The following CARMIL1 variants were observed in gnomAD, a reference collection of about 807,000 sequenced individuals.
CARMIL1 encodes the protein F-actin-uncapping protein LRRC16A.
CARMIL1 carries 90 observed loss-of-function variants against 177.1 expected under a neutral mutation model. The ratio of observed to expected loss-of-function variants is 0.51; its 90% confidence interval spans 0.43 to 0.61. CARMIL1 has a LOEUF of 0.61. CARMIL1 is among the 20% of genes least tolerant of loss of function. CARMIL1 has a pLI of 0.00. For missense variants in CARMIL1, 1,380 were observed against 1,667.0 expected (o/e 0.83, Z 3.00); for synonymous variants, 577 against 606.2 (o/e 0.95, Z 0.71).
chr6:25,402,394 T>C (rs9467496), intron 2 of CARMIL1, among the ~76,000 whole-genome samples: 15,100 of 152,240 alleles, frequency 0.099, 778 homozygotes, highest in Middle Eastern at 0.12. Flanking sequence ...AAAATGTGTT[T>C]AAAAACTGCT....
intron 2 of CARMIL1, among the ~76,000 whole-genome samples, chr6:25,333,201 ACTT>A (rs1423445416): frequency 2.6e-5 from 4 of 152,152 alleles, no homozygotes; most frequent in Admixed American, 1.3e-4. Flanking sequence ...AGTGAGTAAA[ACTT>A]CTTTGGTCAA....
chr6:25,416,854 G>A (rs539345159), intron 2 of CARMIL1, among the ~76,000 whole-genome samples: 50 of 152,262 alleles, frequency 3.3e-4, no homozygotes, highest in Non-Finnish European at 5.6e-4. Context: ...TGGCATACGA[G>A]TTTTAGGATT....
chr6:25,546,672 A>C lies in CARMIL1; in HGVS notation c.2329-4238A>C, dbSNP rs200009442. ...CCCGTCTCAACAACAACAACAACAA[A>C]AAAAAAAAAAAAAAAAAAATTGTGT... On this transcript the variant is annotated intron_variant, in intron 26 of 36. Coordinates refer to ENST00000329474, the MANE Select transcript of CARMIL1 (RefSeq NM_017640.6). Among the ~76,000 whole-genome samples the C allele has an allele frequency of 7.0e-3, 325 of 46,618 alleles. 1 individual carries two copies. The highest frequency in any genetic ancestry group is 0.019 in the East Asian group (27 of 1,442). 30.6% of individuals were successfully genotyped at this position (46,618 alleles called of 152,430 possible). A position where few individuals can be genotyped will look rare whatever the true frequency, so the allele number is the denominator to read the frequency against.
chr6:25,361,672 T>G (rs528835210), intron 2 of CARMIL1, among the ~76,000 whole-genome samples: 1 of 152,348 alleles, frequency 6.6e-6, no homozygotes, highest in East Asian at 1.9e-4. Context: ...TTTCATGTGT[T>G]GGAAACTTAA....
chr6:25,589,614 A>G (rs544173099), intron 31 of CARMIL1, among the ~76,000 whole-genome samples: 4 of 152,156 alleles, frequency 2.6e-5, no homozygotes, highest in East Asian at 3.9e-4. Flanking sequence ...CAGTCTCCCA[A>G]GTAACTGGGA....
intron 2 of CARMIL1, among the ~76,000 whole-genome samples, chr6:25,399,485 C>T (rs1288629401): frequency 1.3e-5 from 2 of 152,182 alleles, no homozygotes; most frequent in African/African-American, 4.8e-5. Flanking sequence ...GGAATGGTTG[C>T]AAATTGGTCA....
At chr6:25,374,499 G>A (rs1038444385) in intron 2 of CARMIL1, among the ~76,000 whole-genome samples, 1 of 152,176 alleles carries the variant, frequency 6.6e-6, no homozygotes, top group African/African-American at 2.4e-5. Context: ...CGTATATTTT[G>A]CAGTTCTTGG....
intron 20 of CARMIL1, among the ~76,000 whole-genome samples, chr6:25,511,558 T>A (rs1204239167): frequency 6.6e-6 from 1 of 152,214 alleles, no homozygotes. Context: ...ACATTACTCA[T>A]GTTTTGTAAT....
chr6:25,394,527 G>A (rs1793180794), intron 2 of CARMIL1, among the ~76,000 whole-genome samples: 1 of 152,146 alleles, frequency 6.6e-6, no homozygotes, highest in Non-Finnish European at 1.5e-5. Context: ...TTTAGGAATA[G>A]GAAAAATAAC....
chr6:25,381,418 T>G (rs1791526484), intron 2 of CARMIL1, among the ~76,000 whole-genome samples: 1 of 152,122 alleles, frequency 6.6e-6, no homozygotes, highest in Admixed American at 6.5e-5. Context: ...CTACCCAGAG[T>G]TAGCACAGAC....
rs192754454 is a variant in CARMIL1, at chr6:25,387,015, A to G, written c.139-33099A>G. 5.3e-3 allele frequency among the ~76,000 whole-genome samples: 800 copies of G among 149,894 alleles called. 7 individuals carry two copies. The highest frequency in any genetic ancestry group is 0.012 in the African/African-American group (510 of 40,884). ...CATGATGGCCGGTGCCTGTAATCTCAGCTACTTAGGAGCCTGAGGCGGGAG... is the reference window on the plus strand; with the variant it reads ...CATGATGGCCGGTGCCTGTAATCTCGGCTACTTAGGAGCCTGAGGCGGGAG... On this transcript the variant is annotated intron_variant, in intron 2 of 36. Transcript: ENST00000329474.
chr6:25,461,003 A>T lies in CARMIL1; in HGVS notation c.615-4870A>T, dbSNP rs192399193. Among the ~76,000 whole-genome samples, 4 of 152,304 alleles carry T rather than the reference A, an allele frequency of 2.6e-5. No homozygotes were observed. The East Asian group carries it at 5.8e-4, about 22-fold the overall frequency. Reference sequence around the variant, plus strand: ...CTTGCCCCACCTGGTTATAATAATGATCCCAGTAATCTTTGTGTTCCTTTA... The same window carrying T: ...CTTGCCCCACCTGGTTATAATAATGTTCCCAGTAATCTTTGTGTTCCTTTA... On this transcript the variant is annotated intron_variant, in intron 8 of 36. Transcript: ENST00000329474.
At chr6:25,462,939 A>C (rs1346625579) in intron 8 of CARMIL1, among the ~76,000 whole-genome samples, 5 of 152,166 alleles carry the variant, frequency 3.3e-5, no homozygotes, top group African/African-American at 1.2e-4. Flanking sequence ...GCTGAATATG[A>C]TATGTCATTG....
Position 25,441,333 on chromosome 6 carries a change from ATATATGTG to A in CARMIL1, c.371+5731_371+5738del, listed in dbSNP as rs1290919257. 5.2e-4 allele frequency among the ~76,000 whole-genome samples: 35 copies of A among 66,970 alleles called. No homozygotes were observed. The South Asian group carries it at 6.2e-3, about 12-fold the overall frequency. The allele number at this position is 66,970 out of a possible 152,430, so 43.9% of individuals were successfully genotyped here. ...CAAACAAACAAACATATATATATAT[ATATATGTG>A]TGTGTGTGTGTGTGTGTGTGTGTGT... On this transcript the variant is annotated intron_variant, in intron 5 of 36. Coordinates refer to ENST00000329474, the MANE Select transcript of CARMIL1 (RefSeq NM_017640.6).
chr6:25,282,015 T>C (rs1299911015), intron 1 of CARMIL1, among the ~76,000 whole-genome samples: 1 of 148,170 alleles, frequency 6.7e-6, no homozygotes, highest in Non-Finnish European at 1.5e-5. Context: ...CTCGGGAGGC[T>C]GAGGCAGGAG....
chr6:25,291,727 G>C (rs1049398822), intron 2 of CARMIL1, among the ~76,000 whole-genome samples: 1 of 152,096 alleles, frequency 6.6e-6, no homozygotes, highest in Non-Finnish European at 1.5e-5. Flanking sequence ...ACCTATAATA[G>C]TGTAAACCTA....
intron 29 of CARMIL1, among the ~76,000 whole-genome samples, chr6:25,579,432 AAC>A (rs1442495737): frequency 6.6e-6 from 1 of 152,204 alleles, no homozygotes; most frequent in Non-Finnish European, 1.5e-5. Context: ...GTTGCGACCA[AAC>A]ACAGCATATA....
At chr6:25,490,698 AAAAT>A (rs199709831) in intron 13 of CARMIL1, among the ~76,000 whole-genome samples, 14,067 of 124,872 alleles carry the variant, frequency 0.11, 871 homozygotes, top group Non-Finnish European at 0.14. Context: ...ACCCTGTCTT[AAAAT>A]AAATAAATAA....
intron 9 of CARMIL1, among the ~76,000 whole-genome samples, chr6:25,466,537 CAT>C (rs1800611775): frequency 6.6e-6 from 1 of 152,170 alleles, no homozygotes; most frequent in Non-Finnish European, 1.5e-5. Flanking sequence ...TCATATCAGT[CAT>C]ATGGACAGAT....
Sources: gnomAD v4.1 joint callset for allele counts (sites outside exome capture counted in the v4.1 genomes callset) on GRCh38, gnomAD v4.1.1 for gene constraint, MANE v1.5 for transcripts, NCBI Gene and HGNC (gene_info 2026-07-23, HGNC 2026-07-21) for gene names.